The following SCFD2 variants were observed in gnomAD, a reference collection of about 807,000 sequenced individuals.
The protein encoded by SCFD2 is sec1 family domain-containing protein 2.
In SCFD2, 54 loss-of-function variants were observed where a neutral mutation model predicts 58.9. The ratio of observed to expected loss-of-function variants is 0.92; its 90% confidence interval spans 0.74 to 1.15. The LOEUF (loss-of-function observed/expected upper bound fraction) is 1.15. SCFD2 is among the 50% of genes most tolerant of loss of function. The pLI is 0.00. For missense variants in SCFD2, 805 were observed against 836.6 expected (o/e 0.96, Z 0.47); for synonymous variants, 321 against 335.9 (o/e 0.96, Z 0.49).
At chr4:53,193,869 A>C (rs1167810809) in intron 4 of SCFD2, among the ~76,000 whole-genome samples, 2 of 152,198 alleles carry the variant, frequency 1.3e-5, no homozygotes, top group South Asian at 2.1e-4. Context: ...TTACAATGAA[A>C]AGCAGCAGCC....
intron 3 of SCFD2, among the ~76,000 whole-genome samples, chr4:53,313,072 ACCAAAGAC>A (rs1732738304): frequency 1.3e-5 from 2 of 152,198 alleles, no homozygotes; most frequent in South Asian, 4.1e-4. Context: ...TTCATCTAAT[ACCAAAGAC>A]AAAGATGGAT....
chr4:53,175,417 G>A (rs1168208692), intron 4 of SCFD2, among the ~76,000 whole-genome samples: 4 of 151,964 alleles, frequency 2.6e-5, no homozygotes, highest in Admixed American at 6.5e-5. Flanking sequence ...CATGGAACGA[G>A]GCTAAAAATT....
intron 7 of SCFD2, among the ~76,000 whole-genome samples, chr4:52,899,305 G>A (rs1719115915): frequency 6.6e-6 from 1 of 152,172 alleles, no homozygotes; most frequent in South Asian, 2.1e-4. Context: ...TCCTTTCCAT[G>A]TTTAGTGCTT....
At chr4:53,053,288 A>C (rs1723234563) in intron 5 of SCFD2, among the ~76,000 whole-genome samples, 1 of 151,966 alleles carries the variant, frequency 6.6e-6, no homozygotes, top group Non-Finnish European at 1.5e-5. Context: ...GGTTACCTCC[A>C]GGGGGACTGA....
chr4:53,215,337 G>A (rs971774803), intron 4 of SCFD2, among the ~76,000 whole-genome samples: 6 of 152,020 alleles, frequency 3.9e-5, no homozygotes, highest in African/African-American at 1.5e-4. Flanking sequence ...ATTGAGCAGT[G>A]GTTTGTAGTT....
Position 53,273,934 on chromosome 4 carries a change from C to A in SCFD2, c.1203G>T (p.Met401Ile), listed in dbSNP as rs757882117. The A allele has an allele frequency of 6.2e-7, 1 of 1,613,948 alleles. No homozygotes were observed. The highest frequency in any genetic ancestry group is 8.5e-7 in the Non-Finnish European group (1 of 1,179,908). The change falls in exon 4 of 9, where the codon ATG (methionine) becomes ATT (isoleucine). Residue 401 changes from methionine (M) to isoleucine (I), a missense_variant. This residue lies in a region of SCFD2 where 633 missense variants were observed against 646.8 expected (regional missense o/e 0.98). Transcript: ENST00000401642. ...QLFKNNLKAL[M>I]NHCGLLQLGL... is the part of the protein sequence containing the mutation. ...CAAGCTGGAGGAGGCCACAATGATT[C>A]ATTAGAGCTTTGAGGTTGTTCTTGA...
intron 5 of SCFD2, among the ~76,000 whole-genome samples, chr4:52,947,040 A>T (rs968035824): frequency 6.6e-6 from 1 of 152,016 alleles, no homozygotes; most frequent in Non-Finnish European, 1.5e-5. Context: ...CATCTCAGGG[A>T]CTCAGCTGTC....
rs531222754 is a variant in SCFD2, at chr4:52,930,381, T to G, written c.1562-9511A>C. Among the ~76,000 whole-genome samples, 9 of 152,226 alleles carry G rather than the reference T, an allele frequency of 5.9e-5. No individual in the cohort carries two copies. The East Asian group carries it at 1.5e-3, about 26-fold the overall frequency. On this transcript the variant is annotated intron_variant, in intron 5 of 8. Coordinates refer to ENST00000401642, the MANE Select transcript of SCFD2 (RefSeq NM_152540.4). ...ACTCAAGATGGATTAAATACTTAAATGTAAAACCTAAAACTAGGAGAAACA... is the reference window on the plus strand; with the variant it reads ...ACTCAAGATGGATTAAATACTTAAAGGTAAAACCTAAAACTAGGAGAAACA...
chr4:53,227,024 T>C (rs1729238941), intron 4 of SCFD2, among the ~76,000 whole-genome samples: 1 of 152,188 alleles, frequency 6.6e-6, no homozygotes, highest in East Asian at 1.9e-4. Flanking sequence ...GACCTTCTCA[T>C]CCTTTCCTGT....
intron 4 of SCFD2, among the ~76,000 whole-genome samples, chr4:53,203,135 T>C (rs1037427372): frequency 2.0e-5 from 3 of 152,182 alleles, no homozygotes; most frequent in African/African-American, 7.2e-5. Flanking sequence ...CCAGTTTTCG[T>C]TCATTCAGCA....
chr4:53,323,847 G>A (rs1318179786), intron 2 of SCFD2, among the ~76,000 whole-genome samples: 1 of 151,922 alleles, frequency 6.6e-6, no homozygotes, highest in Non-Finnish European at 1.5e-5. Flanking sequence ...CAAAAACCTG[G>A]GAAACCACTT....
At chr4:53,305,613 T>C (rs1319196456) in intron 3 of SCFD2, among the ~76,000 whole-genome samples, 3 of 152,228 alleles carry the variant, frequency 2.0e-5, no homozygotes, top group African/African-American at 7.2e-5. Flanking sequence ...TTTGTAAAAA[T>C]GTCACTTTTG....
At chr4:53,327,151 G>A (rs1733227023) in intron 2 of SCFD2, among the ~76,000 whole-genome samples, 1 of 152,060 alleles carries the variant, frequency 6.6e-6, no homozygotes, top group Admixed American at 6.6e-5. Context: ...GAGCCTGAGA[G>A]GGGTGAGCGG....
At chr4:53,108,780 C>T (rs1489175787) in intron 5 of SCFD2, among the ~76,000 whole-genome samples, 1 of 152,124 alleles carries the variant, frequency 6.6e-6, no homozygotes, top group African/African-American at 2.4e-5. Context: ...CTGAATTCTA[C>T]CAGAGGTACA....
intron 5 of SCFD2, among the ~76,000 whole-genome samples, chr4:53,042,980 G>A (rs1722937230): frequency 1.3e-5 from 2 of 152,050 alleles, no homozygotes; most frequent in Admixed American, 1.3e-4. Context: ...GAAAGCACGT[G>A]AAACTTTATA....
chr4:53,277,626 C>A (rs1346621158), intron 3 of SCFD2, among the ~76,000 whole-genome samples: 1 of 152,178 alleles, frequency 6.6e-6, no homozygotes, highest in African/African-American at 2.4e-5. Flanking sequence ...ATATACAATT[C>A]ATTTCTTCTA....
intron 5 of SCFD2, among the ~76,000 whole-genome samples, chr4:53,103,911 A>AAG (rs1724910469): frequency 1.3e-5 from 2 of 150,204 alleles, no homozygotes; most frequent in Admixed American, 1.3e-4. Flanking sequence ...AAAAAAAAAA[A>AAG]AAAAAGAAAA....
At chr4:52,911,538 C>A (rs1301067080) in intron 6 of SCFD2, among the ~76,000 whole-genome samples, 1 of 151,984 alleles carries the variant, frequency 6.6e-6, no homozygotes, top group African/African-American at 2.4e-5. Flanking sequence ...TATGTAGGTG[C>A]ACATTTATAT....
intron 8 of SCFD2, among the ~76,000 whole-genome samples, chr4:52,875,771 A>C (rs1718454527): frequency 7.6e-6 from 1 of 130,926 alleles, no homozygotes; most frequent in African/African-American, 2.8e-5. Flanking sequence ...GGAAGCATCT[A>C]TGTTACTTCT....
Sources: gnomAD v4.1 joint callset for allele counts (sites outside exome capture counted in the v4.1 genomes callset) on GRCh38, gnomAD v4.1.1 for gene constraint, gnomAD v4.1.1 regional missense constraint, MANE v1.5 for transcripts, NCBI Gene and HGNC (gene_info 2026-07-23, HGNC 2026-07-21) for gene names.